ELMO1: variants seen among roughly 807,000 people sequenced by gnomAD.
The protein encoded by ELMO1 is engulfment and cell motility 1.
ELMO1 carries 26 observed loss-of-function variants against 98.9 expected under a neutral mutation model. That is an observed-to-expected ratio of 0.26 (90% CI 0.19 to 0.36). The LOEUF (loss-of-function observed/expected upper bound fraction) is 0.36. Ranked by LOEUF, ELMO1 falls within the 10% of genes least tolerant of loss-of-function variation. The pLI, the probability that ELMO1 is intolerant of heterozygous loss-of-function variation, is 1.00. For synonymous variants in ELMO1, 346 were observed against 346.0 expected (o/e 1.00, Z 0.00); for missense variants, 627 against 935.2 (o/e 0.67, Z 4.30).
chr7:36,872,137 G>C (rs552575894), intron 19 of ELMO1, among the ~76,000 whole-genome samples: 1 of 152,316 alleles, frequency 6.6e-6, no homozygotes, highest in African/African-American at 2.4e-5. Flanking sequence ...AAATGTGAAA[G>C]AAAATGCTTC....
intron 1 of ELMO1, among the ~76,000 whole-genome samples, chr7:37,426,142 C>CTTTTTTTTTTTT (rs36086006): frequency 1.1e-3 from 89 of 84,578 alleles, no homozygotes; most frequent in Non-Finnish European, 1.6e-3. Flanking sequence ...TTTTTTCTTT[C>CTTTTTTTTTTTT]TTTTTTTTTT....
At chr7:37,147,353 C>T (rs1460574114) in intron 13 of ELMO1, among the ~76,000 whole-genome samples, 5 of 152,134 alleles carry the variant, frequency 3.3e-5, no homozygotes, top group Admixed American at 2.0e-4. Flanking sequence ...AACACTTCCG[C>T]TCATCTCTCT....
intron 14 of ELMO1, among the ~76,000 whole-genome samples, chr7:37,105,253 T>C (rs928804065): frequency 4.6e-5 from 7 of 152,216 alleles, no homozygotes; most frequent in African/African-American, 1.7e-4. Flanking sequence ...GCAGGATGAC[T>C]TCTGTTTGTG....
chr7:37,186,688 C>A (rs1351896664), intron 13 of ELMO1, among the ~76,000 whole-genome samples: 1 of 152,078 alleles, frequency 6.6e-6, no homozygotes, highest in Non-Finnish European at 1.5e-5. Context: ...ATAAAAATGA[C>A]CAATAAGCAC....
chr7:37,217,760 A>T (rs1793374568), intron 10 of ELMO1: 1 of 456,942 alleles, frequency 2.2e-6, no homozygotes, highest in East Asian at 6.9e-5. Flanking sequence ...CATCAACCTA[A>T]CGGCGTCATC....
chr7:37,331,682 C>CAGA (rs1360447071), intron 2 of ELMO1, among the ~76,000 whole-genome samples: 1 of 151,938 alleles, frequency 6.6e-6, no homozygotes, highest in South Asian at 2.1e-4. Flanking sequence ...CCACACTGAC[C>CAGA]AGAAGGAAGA....
At chr7:37,162,080 G>A (rs6965691) in intron 13 of ELMO1, among the ~76,000 whole-genome samples, 12,928 of 149,532 alleles carry the variant, frequency 0.086, 662 homozygotes, top group South Asian at 0.2. Context: ...AAAAGTGCAC[G>A]GTGGGGGTAA....
At chr7:37,442,212 A>C (rs534247754) in intron 1 of ELMO1, among the ~76,000 whole-genome samples, 1 of 152,318 alleles carries the variant, frequency 6.6e-6, no homozygotes, top group South Asian at 2.1e-4. Context: ...CCGAAATGTC[A>C]ATAGCACTGA....
chr7:37,121,007 GCAAA>G (rs1242694341), intron 14 of ELMO1, among the ~76,000 whole-genome samples: 4 of 152,200 alleles, frequency 2.6e-5, no homozygotes, highest in Non-Finnish European at 5.9e-5. Flanking sequence ...TGATACCCAG[GCAAA>G]CAGAGTCTGG....
At chr7:37,125,292 T>TA (rs1363957136) in intron 14 of ELMO1, among the ~76,000 whole-genome samples, 2 of 152,064 alleles carry the variant, frequency 1.3e-5, no homozygotes, top group Non-Finnish European at 2.9e-5. Flanking sequence ...AAATGGGATG[T>TA]AATTAAACTA....
chr7:37,004,469 C>G (rs1033088495), intron 16 of ELMO1, among the ~76,000 whole-genome samples: 1 of 152,206 alleles, frequency 6.6e-6, no homozygotes, highest in Non-Finnish European at 1.5e-5. Context: ...ACTGATATAT[C>G]TCACTGCTGT....
chr7:37,092,668 T>C (rs893222623), intron 15 of ELMO1, among the ~76,000 whole-genome samples: 20 of 152,108 alleles, frequency 1.3e-4, no homozygotes, highest in African/African-American at 4.1e-4. Context: ...AGCCAACACA[T>C]CCGGCCCTAA....
intron 16 of ELMO1, among the ~76,000 whole-genome samples, chr7:36,906,715 C>T (rs1783990139): frequency 6.6e-6 from 1 of 151,844 alleles, no homozygotes; most frequent in Non-Finnish European, 1.5e-5. Context: ...CGCTTGAGCC[C>T]AGGCTGCAAG....
At chr7:36,935,894 G>C (rs891040502) in intron 16 of ELMO1, among the ~76,000 whole-genome samples, 17 of 152,154 alleles carry the variant, frequency 1.1e-4, no homozygotes, top group African/African-American at 3.9e-4. Flanking sequence ...ATTTTGGAAA[G>C]AAGTGAGCGA....
chr7:37,057,554 A>T (rs1435558279), intron 15 of ELMO1, among the ~76,000 whole-genome samples: 2 of 152,226 alleles, frequency 1.3e-5, no homozygotes, highest in Non-Finnish European at 2.9e-5. Context: ...CAAGGCCTTC[A>T]TTACTCCTTC....
intron 19 of ELMO1, among the ~76,000 whole-genome samples, chr7:36,872,448 G>A (rs1036967091): frequency 2.0e-5 from 3 of 152,198 alleles, no homozygotes; most frequent in Admixed American, 1.3e-4. Flanking sequence ...TGTTATGCAA[G>A]CCATGGAGAT....
chr7:37,382,870 T>C (rs568964941), intron 1 of ELMO1, among the ~76,000 whole-genome samples: 39 of 152,172 alleles, frequency 2.6e-4, no homozygotes, highest in Non-Finnish European at 4.6e-4. Context: ...CTGTTTGCTA[T>C]CTCTTGTTAA....
At chr7:37,258,368 G>A (rs564716475) in intron 6 of ELMO1, among the ~76,000 whole-genome samples, 3 of 152,272 alleles carry the variant, frequency 2.0e-5, no homozygotes, top group Admixed American at 6.5e-5. Context: ...TTGAACCCAG[G>A]AGGTGGAGGT....
At chr7:36,967,193 C>T (rs1171782587) in intron 16 of ELMO1, among the ~76,000 whole-genome samples, 2 of 152,158 alleles carry the variant, frequency 1.3e-5, no homozygotes, top group African/African-American at 4.8e-5. Flanking sequence ...GAAATACATG[C>T]TCTAGGCCAA....
Sources: allele counts gnomAD v4.1 joint callset (sites outside exome capture counted in the v4.1 genomes callset), GRCh38; gene constraint gnomAD v4.1.1; transcripts MANE v1.5; gene names NCBI Gene and HGNC (gene_info 2026-07-23, HGNC 2026-07-21).